Variants in PRRX2 observed in about 807,000 individuals in gnomAD.
The protein encoded by PRRX2 is paired related homeobox 2, also known as paired mesoderm homeobox protein 2.
In PRRX2, 11 loss-of-function variants were observed where a neutral mutation model predicts 18.0. The ratio of observed to expected loss-of-function variants is 0.61; its 90% CI spans 0.39 to 1.01. The LOEUF is 1.01. PRRX2 is among the 50% of genes least tolerant of loss of function. The pLI is 0.01. For missense variants in PRRX2, 387 were observed against 351.0 expected, an observed-to-expected ratio of 1.10 and a Z score of -0.82; for synonymous variants, 177 against 154.8, an observed-to-expected ratio of 1.14 and a Z score of -1.06.
rs762929485 is a variant in PRRX2 at position 129,715,750 on chromosome 9, T to TCTCTCTCTCTCTCTCTCACACACA, written c.260-3480_260-3479insTCTCTCTCTCTCTCTCACACACAC. Reference sequence around the variant, plus strand: ...AAACCCAGCTTCAGGGACATCTTTCTCACACACACACACACACACACACAC... The same window carrying TCTCTCTCTCTCTCTCTCACACACA: ...AAACCCAGCTTCAGGGACATCTTTCTCTCTCTCTCTCTCTCTCACACACACACACACACACACACACACACACAC... On this transcript the variant is annotated intron_variant, in intron 1 of 3. Coordinates refer to ENST00000372469, the MANE Select transcript of PRRX2 (RefSeq NM_016307.4). This position sits in a 1 kb window ranked among gnomAD's most constrained non-coding sequence, Gnocchi z 4.0. 5.3e-4 allele frequency among the ~76,000 whole-genome samples: 73 copies of TCTCTCTCTCTCTCTCTCACACACA among 138,946 alleles called. No individual in the cohort carries two copies. The East Asian group carries it at 9.8e-3, about 19-fold the overall frequency. 91.2% of individuals were successfully genotyped at this position (138,946 alleles called of 152,430 possible).
intron 1 of PRRX2, among the ~76,000 whole-genome samples, chr9:129,680,316 G>A (rs1007824986): frequency 1.0e-4 from 15 of 149,874 alleles, no homozygotes; most frequent in African/African-American, 3.7e-4. Flanking sequence ...CAGGAGAATC[G>A]CTTGAACCTG....
intron 1 of PRRX2, among the ~76,000 whole-genome samples, chr9:129,682,666 A>C (rs568095247): frequency 6.6e-6 from 1 of 152,170 alleles, no homozygotes; most frequent in African/African-American, 2.4e-5. Flanking sequence ...TCCCGGAAAC[A>C]GCTCAGGTAT....
chr9:129,683,076 C>A lies in PRRX2; in HGVS notation c.259+16950C>A, dbSNP rs536493530. Among the ~76,000 whole-genome samples, 10 of 152,146 alleles carry A rather than the reference C, an allele frequency of 6.6e-5. No homozygotes were observed. The South Asian group carries it at 2.1e-3, about 32-fold the overall frequency. ...TGAGCTGAGATGGCGCCACTACACT[C>A]CAGCCTGGGTGAGAGTGAGACTCTG... On this transcript the variant is annotated intron_variant, in intron 1 of 3. Transcript: ENST00000372469.
intron 1 of PRRX2, among the ~76,000 whole-genome samples, chr9:129,667,832 T>A (rs1240911253): frequency 6.6e-6 from 1 of 152,154 alleles, no homozygotes. Context: ...CTTGGCAGCC[T>A]CCAGGCAGCT....
At chr9:129,681,529 CAGAA>C (rs1255088409) in intron 1 of PRRX2, among the ~76,000 whole-genome samples, 11 of 151,760 alleles carry the variant, frequency 7.2e-5, no homozygotes, top group Non-Finnish European at 1.2e-4. Context: ...CAAAAAAAAA[CAGAA>C]AGCAGGTTCC....
intron 1 of PRRX2, among the ~76,000 whole-genome samples, chr9:129,708,856 C>T (rs1832586504): frequency 6.6e-6 from 1 of 152,240 alleles, no homozygotes; most frequent in South Asian, 2.1e-4. Flanking sequence ...AACCAAACTT[C>T]TTGCCTGGTC....
At chr9:129,686,334 A>T (rs1832298558) in intron 1 of PRRX2, among the ~76,000 whole-genome samples, 1 of 152,150 alleles carries the variant, frequency 6.6e-6, no homozygotes, top group Non-Finnish European at 1.5e-5. Context: ...GGGTATCTGG[A>T]TGCAGACCTC....
intron 1 of PRRX2, among the ~76,000 whole-genome samples, chr9:129,696,985 C>A (rs918899875): frequency 1.3e-5 from 2 of 152,216 alleles, no homozygotes; most frequent in African/African-American, 4.8e-5. Flanking sequence ...GGGCGACTGA[C>A]CTCCCTCCCT....
At chr9:129,700,569 A>T (rs1477288636) in intron 1 of PRRX2, among the ~76,000 whole-genome samples, 3 of 151,186 alleles carry the variant, frequency 2.0e-5, no homozygotes, top group Admixed American at 6.6e-5. Flanking sequence ...CCTTCAAGTG[A>T]TCTGCCCGCC....
intron 1 of PRRX2, among the ~76,000 whole-genome samples, chr9:129,686,044 CA>C (rs1337613789): frequency 1.3e-5 from 2 of 152,138 alleles, no homozygotes; most frequent in Non-Finnish European, 2.9e-5. Context: ...GTCTTCCAGC[CA>C]GGGGGAACTG....
intron 3 of PRRX2, 130 bp downstream of exon 3, chr9:129,720,904 T>A: frequency 9.3e-7 from 1 of 1,079,372 alleles, no homozygotes; most frequent in African/African-American, 1.6e-5. Context: ...GGATCTGGGG[T>A]ACACCAAGTG....
chr9:129,716,825 T>C (rs1832714588), intron 1 of PRRX2, among the ~76,000 whole-genome samples: 1 of 152,020 alleles, frequency 6.6e-6, no homozygotes, highest in Non-Finnish European at 1.5e-5. Flanking sequence ...CAAAAAGCAA[T>C]GCTGGAGGGA....
At chr9:129,677,958 C>CT (rs760645440) in intron 1 of PRRX2, among the ~76,000 whole-genome samples, 2,277 of 112,946 alleles carry the variant, frequency 0.02, 44 homozygotes, top group African/African-American at 0.046. Flanking sequence ...TTCTTTCTTT[C>CT]TTTTTTTTTT....
intron 1 of PRRX2, among the ~76,000 whole-genome samples, chr9:129,674,287 G>A (rs1394481976): frequency 6.6e-6 from 1 of 152,166 alleles, no homozygotes; most frequent in Non-Finnish European, 1.5e-5. Flanking sequence ...GCCCTTGATG[G>A]CTAATGATAT....
At chr9:129,717,423 A>G (rs928430826) in intron 1 of PRRX2, among the ~76,000 whole-genome samples, 1 of 138,644 alleles carries the variant, frequency 7.2e-6, no homozygotes, top group African/African-American at 2.7e-5. Context: ...GGGGCTGGGC[A>G]TGGTGGCTCA....
intron 1 of PRRX2, among the ~76,000 whole-genome samples, chr9:129,680,975 A>G (rs982661745): frequency 6.6e-6 from 1 of 152,256 alleles, no homozygotes; most frequent in Non-Finnish European, 1.5e-5. Flanking sequence ...TAATTACGAC[A>G]TCTAGAAGGT....
chr9:129,675,797 C>T lies in PRRX2; in HGVS notation c.259+9671C>T, dbSNP rs190751647. On this transcript the variant is annotated intron_variant, in intron 1 of 3. Coordinates refer to ENST00000372469, the MANE Select transcript of PRRX2 (RefSeq NM_016307.4). The surrounding 1 kb of genome is among the most constrained non-coding windows in gnomAD (Gnocchi z 4.4). ...ATCAAAGCGGGAGCCGCCAGGCGGG[C>T]GCGCCTGGCAGGGGCCTCGCAGCCT... Among the ~76,000 whole-genome samples, 841 of 152,344 alleles carry T rather than the reference C, an allele frequency of 5.5e-3. 31 individuals carry two copies. The highest frequency in any genetic ancestry group is 0.049 in the Admixed American group (750 of 15,314).
chr9:129,721,114 C>T (rs557002300), intron 3 of PRRX2, among the ~76,000 whole-genome samples: 3 of 152,262 alleles, frequency 2.0e-5, no homozygotes, highest in African/African-American at 4.8e-5. Flanking sequence ...CACCTGGAGC[C>T]GGGAGAAAAC....
chr9:129,698,908 G>C (rs1399008109), intron 1 of PRRX2, among the ~76,000 whole-genome samples: 2 of 152,212 alleles, frequency 1.3e-5, no homozygotes, highest in South Asian at 2.1e-4. Context: ...AAGGTGGTTC[G>C]TTCCTAAACT....
Sources: allele counts gnomAD v4.1 joint callset (sites outside exome capture counted in the v4.1 genomes callset), GRCh38; gene constraint gnomAD v4.1.1; non-coding constraint Gnocchi (gnomAD v3.1); transcripts MANE v1.5; gene names NCBI Gene and HGNC (gene_info 2026-07-23, HGNC 2026-07-21).